DLC1: variants seen among roughly 807,000 people sequenced by gnomAD.
DLC1 encodes rho GTPase-activating protein 7.
Under a neutral mutation model 140.3 loss-of-function variants are expected in DLC1, and 54 were observed. The observed-to-expected ratio is 0.38, with a 90% CI of 0.31 to 0.48. DLC1 has a LOEUF of 0.48. DLC1 is among the 20% of genes least tolerant of loss of function. The pLI, the probability that DLC1 is intolerant of heterozygous loss-of-function variation, is 0.96. For missense variants in DLC1, 2,536 were observed against 1,907.0 expected (o/e 1.33, Z -6.14); for synonymous variants, 986 against 728.1 (o/e 1.35, Z -5.70).
chr8:13,400,722 A>G (rs900504392), intron 3 of DLC1, among the ~76,000 whole-genome samples: 42 of 152,278 alleles, frequency 2.8e-4, no homozygotes, highest in African/African-American at 1.0e-3. Flanking sequence ...TTATTGAATA[A>G]CACAAATAAT....
intron 1 of DLC1, among the ~76,000 whole-genome samples, chr8:13,553,970 C>G (rs1181676316): frequency 6.6e-6 from 1 of 152,086 alleles, no homozygotes; most frequent in East Asian, 1.9e-4. Flanking sequence ...TCCCTGCCCC[C>G]TTGTCATTAG....
chr8:13,456,933 T>C (rs1434317710), intron 2 of DLC1, among the ~76,000 whole-genome samples: 5 of 152,238 alleles, frequency 3.3e-5, no homozygotes, highest in African/African-American at 9.6e-5. Flanking sequence ...GGGTTATCAA[T>C]GTGGTCAAAT....
chr8:13,578,308 G>A (rs1330986792), intron 1 of DLC1, among the ~76,000 whole-genome samples: 1 of 152,102 alleles, frequency 6.6e-6, no homozygotes, highest in African/African-American at 2.4e-5. Flanking sequence ...TCACTTCACT[G>A]ACACCAATTC....
intron 4 of DLC1, among the ~76,000 whole-genome samples, chr8:13,377,095 A>G (rs1836029190): frequency 6.6e-6 from 1 of 152,306 alleles, no homozygotes; most frequent in East Asian, 1.9e-4. Flanking sequence ...TAAGTTGAGA[A>G]CAGTGTGTTT....
chr8:13,090,231 G>T (rs374047766), intron 15 of DLC1, 21 bp downstream of exon 15: 22 of 1,607,312 alleles, frequency 1.4e-5, no homozygotes, highest in Non-Finnish European at 1.8e-5. Flanking sequence ...TCAACTAGCC[G>T]ACAACAGGGT....
intron 1 of DLC1, chr8:13,568,006 A>G: frequency 2.1e-6 from 3 of 1,458,712 alleles, no homozygotes; most frequent in Non-Finnish European, 2.7e-6. Context: ...TTCTACAGGC[A>G]CTTGGGAAAC....
intron 1 of DLC1, among the ~76,000 whole-genome samples, chr8:13,598,935 T>C (rs1233991849): frequency 6.6e-6 from 1 of 151,880 alleles, no homozygotes; most frequent in Non-Finnish European, 1.5e-5. Flanking sequence ...TGAAATTGTA[T>C]ATGTAATATA....
chr8:13,589,182 C>T lies in DLC1; in HGVS notation c.-126+15355G>A, dbSNP rs567152961. 4.6e-5 allele frequency among the ~76,000 whole-genome samples: 7 copies of T among 152,174 alleles called. No homozygotes were observed. In the East Asian group the frequency reaches 1.4e-3, roughly 29 times the overall value. ...ATCTGTCCAAACAACAGGCTGTCGT[C>T]AGTTTATACAACTTAACCATTCTTA... On this transcript the variant is annotated intron_variant, in intron 1 of 1. Coordinates refer to the DLC1 transcript ENST00000631382.
chr8:13,243,012 C>T (rs1250102901), intron 5 of DLC1, among the ~76,000 whole-genome samples: 2 of 151,838 alleles, frequency 1.3e-5, no homozygotes, highest in South Asian at 2.1e-4. Context: ...AGTGAGTTCT[C>T]ATGAGGTCTG....
chr8:13,398,349 A>C (rs1188446383), intron 3 of DLC1, among the ~76,000 whole-genome samples: 1 of 152,076 alleles, frequency 6.6e-6, no homozygotes, highest in South Asian at 2.1e-4. Flanking sequence ...GGAAGGATTT[A>C]TTGAATAGGT....
intron 2 of DLC1, among the ~76,000 whole-genome samples, chr8:13,473,325 C>G (rs558514447): frequency 6.6e-6 from 1 of 152,162 alleles, no homozygotes; most frequent in African/African-American, 2.4e-5. Context: ...CAGGTCTTTC[C>G]CATGCTGTTC....
intron 1 of DLC1, among the ~76,000 whole-genome samples, chr8:13,541,618 C>T (rs529670799): frequency 2.6e-5 from 4 of 152,250 alleles, no homozygotes; most frequent in Admixed American, 2.0e-4. Flanking sequence ...GGCGCGATCT[C>T]GGCTCACTGC....
intron 5 of DLC1, among the ~76,000 whole-genome samples, chr8:13,212,705 G>C (rs1247847302): frequency 1.3e-5 from 2 of 152,046 alleles, no homozygotes; most frequent in African/African-American, 2.4e-5. Flanking sequence ...GTGCTTTCTC[G>C]AGTGGCTTTC....
intron 2 of DLC1, among the ~76,000 whole-genome samples, chr8:13,480,351 A>T (rs975165814): frequency 9.2e-5 from 14 of 152,218 alleles, no homozygotes; most frequent in African/African-American, 3.4e-4. Flanking sequence ...GAACATGGAC[A>T]TGGGAAAGAT....
intron 5 of DLC1, among the ~76,000 whole-genome samples, chr8:13,124,362 T>C (rs1481484653): frequency 2.0e-5 from 3 of 152,088 alleles, no homozygotes; most frequent in Admixed American, 2.0e-4. Context: ...GGACCCTGAA[T>C]GAAGTAAGAG....
intron 2 of DLC1, among the ~76,000 whole-genome samples, chr8:13,480,882 C>T (rs1231002097): frequency 1.3e-5 from 2 of 151,994 alleles, no homozygotes; most frequent in African/African-American, 2.4e-5. Flanking sequence ...GCAGCCTGGG[C>T]AACAGAGCCA....
intron 1 of DLC1, chr8:13,584,434 T>C (rs1585303260): frequency 6.6e-6 from 1 of 152,596 alleles, no homozygotes; most frequent in East Asian, 1.9e-4. Context: ...GCAGTGTTGA[T>C]CATTTCTTGG....
At chr8:13,354,636 A>G (rs1313522749) in intron 4 of DLC1, among the ~76,000 whole-genome samples, 1 of 152,118 alleles carries the variant, frequency 6.6e-6, no homozygotes, top group Admixed American at 6.5e-5. Context: ...AAGTTCAGCT[A>G]TGTGCAAAAA....
At chr8:13,116,023 A>T in intron 5 of DLC1, 1 of 492,212 alleles carries the variant, frequency 2.0e-6, no homozygotes, top group Non-Finnish European at 2.7e-6. Context: ...GGCCTATTGT[A>T]CTACTTTTCA....
Sources: allele counts gnomAD v4.1 joint callset (sites outside exome capture counted in the v4.1 genomes callset), GRCh38; gene constraint gnomAD v4.1.1; transcripts MANE v1.5; gene names NCBI Gene and HGNC (gene_info 2026-07-23, HGNC 2026-07-21).